TRPA1: variants seen among roughly 807,000 people sequenced by gnomAD.
TRPA1 encodes transient receptor potential cation channel subfamily A member 1, also known as ankyrin-like with transmembrane domains 1.
TRPA1 carries 129 observed loss-of-function variants against 131.3 expected under a neutral mutation model. That is an observed-to-expected ratio of 0.98 (90% CI 0.85 to 1.14). The LOEUF is 1.14. Ranked by LOEUF, TRPA1 falls within the 50% of genes most tolerant of loss-of-function variation. The pLI, the probability that TRPA1 is intolerant of heterozygous loss-of-function variation, is 0.00. For synonymous variants in TRPA1, 441 were observed against 451.7 expected (o/e 0.98, Z 0.30); for missense variants, 1,304 against 1,354.2 (o/e 0.96, Z 0.58).
chr8:72,081,852 G>A, the TRPA1 span, among the ~76,000 whole-genome samples: 1 of 151,734 alleles, frequency 6.6e-6, no homozygotes, highest in Non-Finnish European at 1.5e-5. Flanking sequence ...TTTCCATCCT[G>A]TTAATTTTAA....
chr8:72,072,946 A>T (rs1445376813), intron 1 of TRPA1, among the ~76,000 whole-genome samples: 1 of 152,236 alleles, frequency 6.6e-6, no homozygotes, highest in African/African-American at 2.4e-5. Context: ...CATCTCAATC[A>T]GTACCTGACG....
At chr8:72,054,155 G>T (rs1805601104) in intron 12 of TRPA1, 1 of 414,636 alleles carries the variant, frequency 2.4e-6, no homozygotes, top group Non-Finnish European at 4.5e-6. Flanking sequence ...AGTACGCTTA[G>T]CATGTCTGTG....
intron 3 of TRPA1, among the ~76,000 whole-genome samples, chr8:72,067,218 C>T (rs895010533): frequency 2.6e-5 from 4 of 152,054 alleles, no homozygotes; most frequent in East Asian, 1.9e-4. Context: ...GTTTACAGGC[C>T]GGACCATGGG....
At chr8:72,029,518 TG>T (rs1330419428) in intron 24 of TRPA1, among the ~76,000 whole-genome samples, 1 of 152,308 alleles carries the variant, frequency 6.6e-6, no homozygotes, top group African/African-American at 2.4e-5. Flanking sequence ...GTAACGATAA[TG>T]GTGTTAATTC....
rs753947238 is a variant in TRPA1, at chr8:72,050,814, A to C, written c.1869T>G (p.Ile623Met). 1.9e-5 allele frequency: 30 copies of C among 1,612,184 alleles called. No homozygotes were observed. The South Asian group carries it at 3.2e-4, about 17-fold the overall frequency. ...CAGGGAGGTATTCTATCATTTCTGT[A>C]ATTGGACATTTATTGCCTGGAGAAT... ...SHNSPGNKCP[I>M]TEMIEYLPEC... The change falls in exon 15 of 27, where the codon ATT becomes ATG. Residue 623 changes from isoleucine (I) to methionine (M), a missense_variant. Coordinates refer to ENST00000262209, the MANE Select transcript of TRPA1 (RefSeq NM_007332.3).
chr8:72,047,630 T>C (rs879921237), intron 15 of TRPA1, among the ~76,000 whole-genome samples: 4 of 152,106 alleles, frequency 2.6e-5, no homozygotes, highest in Non-Finnish European at 4.4e-5. Context: ...TTTCCATAAG[T>C]AGAAAATTCC....
chr8:72,025,131 T>C (rs1274432814), intron 25 of TRPA1, among the ~76,000 whole-genome samples: 1 of 108,386 alleles, frequency 9.2e-6, no homozygotes, highest in African/African-American at 2.9e-5. Context: ...TGTGTGTGTG[T>C]GTGTGCGTGC....
intron 24 of TRPA1, chr8:72,029,628 G>C: frequency 5.5e-6 from 3 of 547,918 alleles, no homozygotes; most frequent in South Asian, 2.1e-5. Flanking sequence ...TGCATATTCA[G>C]TAGAATCTGT....
chr8:72,065,595 A>T (rs367997490), intron 3 of TRPA1, 37 bp from the exon 4 acceptor site: 1,207 of 1,536,866 alleles, frequency 7.9e-4, no homozygotes, highest in Admixed American at 1.3e-3. Context: ...AAATTTTTGC[A>T]GATTTCCAAA....
rs907333232 is a variant in TRPA1, at chr8:72,075,487, C to T, written c.-78G>A. 6.6e-6 allele frequency: 8 copies of T among 1,216,108 alleles called. No individual in the cohort carries two copies. In the African/African-American group the frequency reaches 1.2e-4, roughly 18 times the overall value. The allele number at this position is 1,216,108 out of a possible 1,614,324, so 75.3% of individuals were successfully genotyped here. On this transcript the variant is annotated 5_prime_UTR_variant, in exon 1 of 27. Transcript: ENST00000262209. Reference sequence around the variant, plus strand: ...CCTGGGGCGAGAGAGCGCTGTCAGCCTGCCAGGCGCTGGGGTCCGCGCGAG... The same window carrying T: ...CCTGGGGCGAGAGAGCGCTGTCAGCTTGCCAGGCGCTGGGGTCCGCGCGAG...
At chr8:72,065,003 T>C (rs887162369) in intron 4 of TRPA1, among the ~76,000 whole-genome samples, 2 of 152,200 alleles carry the variant, frequency 1.3e-5, no homozygotes. Flanking sequence ...TTTCTTCAGG[T>C]CTTGGGAGCT....
intron 17 of TRPA1, among the ~76,000 whole-genome samples, chr8:72,042,095 C>A (rs1344376113): frequency 6.6e-6 from 1 of 151,636 alleles, no homozygotes; most frequent in African/African-American, 2.4e-5. Flanking sequence ...AAGCAATGAC[C>A]AAAGTGAAAA....
chr8:72,063,005 T>G (rs755992489), intron 5 of TRPA1, 61 bp from the exon 6 acceptor site: 4 of 1,493,902 alleles, frequency 2.7e-6, no homozygotes, highest in Admixed American at 1.9e-5. Context: ...GGGAGGTTTT[T>G]TGTTAAAAAA....
intron 2 of TRPA1, 108 bp from the exon 3 acceptor site, chr8:72,069,306 C>G (rs1306238658): frequency 1.4e-5 from 16 of 1,118,750 alleles, no homozygotes; most frequent in African/African-American, 3.1e-5. Context: ...ATGAAATCAG[C>G]TGCATCTTTT....
At chr8:72,035,784 A>G (rs988649523) in intron 21 of TRPA1, among the ~76,000 whole-genome samples, 1 of 152,084 alleles carries the variant, frequency 6.6e-6, no homozygotes, top group African/African-American at 2.4e-5. Context: ...AAGAATAGCC[A>G]ATACTTTTAA....
chr8:72,030,058 G>A lies in TRPA1; in HGVS notation c.2869-89C>T, dbSNP rs189815561. ...TCTGTCTTAGTCCATTCAGACTGCTGTGACAAAATATTTTAGTCTGGGTAG... is the reference window on the plus strand; with the variant it reads ...TCTGTCTTAGTCCATTCAGACTGCTATGACAAAATATTTTAGTCTGGGTAG... On this transcript the variant is annotated intron_variant, in intron 23 of 26. Coordinates refer to ENST00000262209, the MANE Select transcript of TRPA1 (RefSeq NM_007332.3). The A allele has an allele frequency of 1.4e-4, 163 of 1,199,818 alleles. No homozygotes were observed. In the Admixed American group the frequency reaches 1.9e-3, roughly 14 times the overall value. 74.3% of individuals were successfully genotyped at this position (1,199,818 alleles called of 1,614,324 possible).
chr8:72,068,979 C>G (rs371940458), intron 3 of TRPA1, 44 bp downstream of exon 3: 154 of 1,610,586 alleles, frequency 9.6e-5, no homozygotes, highest in Non-Finnish European at 1.2e-4. Context: ...GTCCCAGCAC[C>G]TGCACCGCCG....
intron 13 of TRPA1, chr8:72,053,007 AAGAGAGAGAG>A (rs57169742): frequency 0.012 from 2,705 of 231,216 alleles, 18 homozygotes; most frequent in Middle Eastern, 0.027. Flanking sequence ...GAGATAGAGA[AAGAGAGAGAG>A]AGAGAGAGAG....
At chr8:72,045,045 A>G (rs753916640) in intron 17 of TRPA1, among the ~76,000 whole-genome samples, 2 of 152,026 alleles carry the variant, frequency 1.3e-5, no homozygotes, top group Admixed American at 1.3e-4. Flanking sequence ...GAATTAAAAA[A>G]CACATACATA....
Sources: allele counts gnomAD v4.1 joint callset (sites outside exome capture counted in the v4.1 genomes callset), GRCh38; gene constraint gnomAD v4.1.1; transcripts MANE v1.5; gene names NCBI Gene and HGNC (gene_info 2026-07-23, HGNC 2026-07-21).